Variants in DOK4 observed in about 807,000 individuals in gnomAD.
DOK4 encodes downstream of tyrosine kinase 4.
Under a neutral mutation model 40.1 loss-of-function variants are expected in DOK4, and 26 were observed. That is an observed-to-expected ratio of 0.65 (90% CI 0.48 to 0.90). DOK4 has a LOEUF of 0.90. Ranked by LOEUF, DOK4 falls within the 40% of genes least tolerant of loss-of-function variation. DOK4 has a pLI of 0.00. For synonymous variants in DOK4, 179 were observed against 177.0 expected (o/e 1.01, Z -0.09); for missense variants, 392 against 437.2 (o/e 0.90, Z 0.92).
chr16:57,486,594 G>C (rs1448874771), upstream of DOK4: 1 of 150,862 alleles, frequency 6.6e-6, no homozygotes, highest in Non-Finnish European at 1.5e-5. Context: ...CGGGACGCGC[G>C]ATTCTGCCCT....
chr16:57,476,656 T>C (rs2031194370), intron 2 of DOK4, among the ~76,000 whole-genome samples: 1 of 152,198 alleles, frequency 6.6e-6, no homozygotes, highest in Non-Finnish European at 1.5e-5. Context: ...CCCTGAAATG[T>C]AAGGGGCCCT....
At chr16:57,475,027 A>C (rs1476551282) in intron 5 of DOK4, 45 bp from the exon 6 acceptor site, 1 of 1,600,092 alleles carries the variant, frequency 6.2e-7, no homozygotes, top group African/African-American at 1.3e-5. Flanking sequence ...GTTGCCCCAG[A>C]TGGGGACTTC....
upstream of DOK4, among the ~76,000 whole-genome samples, chr16:57,486,848 C>T (rs1398170000): frequency 1.3e-5 from 2 of 152,134 alleles, no homozygotes; most frequent in Non-Finnish European, 2.9e-5. Flanking sequence ...GAATCACATA[C>T]ACACCCATTG....
chr16:57,480,593 T>G (rs1847614789), intron 1 of DOK4, among the ~76,000 whole-genome samples: 1 of 152,128 alleles, frequency 6.6e-6, no homozygotes, highest in Admixed American at 6.5e-5. Flanking sequence ...AGGCCCTCCA[T>G]GTCCTGAGCA....
At chr16:57,480,309 C>G (rs370095487) in intron 1 of DOK4, 25 of 152,558 alleles carry the variant, frequency 1.6e-4, no homozygotes, top group African/African-American at 5.8e-4. Context: ...TTCTCTCCAG[C>G]CCCAGGCTAA....
At chr16:57,474,007 A>C in exon 7 of DOK4, 1 of 1,614,078 alleles carries the variant, frequency 6.2e-7, no homozygotes, top group African/African-American at 1.3e-5. Flanking sequence ...TTGTGTCTGG[A>C]AGGTATAGAG....
At chr16:57,482,268 C>G (rs1367444307) in intron 1 of DOK4, among the ~76,000 whole-genome samples, 1 of 152,062 alleles carries the variant, frequency 6.6e-6, no homozygotes, top group African/African-American at 2.4e-5. Context: ...CTCAAGTGAT[C>G]CACCCACCTC....
rs763087618 is a variant in DOK4, at chr16:57,474,053, A to C, written c.600-14T>G. 6.2e-7 allele frequency: 1 copy of C among 1,613,772 alleles called. No homozygotes were observed. The highest frequency in any genetic ancestry group is 1.7e-5 in the Admixed American group (1 of 59,996). On this transcript the variant is annotated splice_polypyrimidine_tract_variant and intron_variant, in intron 6 of 8. Coordinates refer to ENST00000340099, the Ensembl canonical transcript of DOK4. ...GCATCACACATCCTGGGGACACAGC[A>C]CAGAGGGCAAGATGGTGGGGACCCA...
chr16:57,475,922 G>A (rs1364998762), exon 3 of DOK4: 2 of 1,613,598 alleles, frequency 1.2e-6, no homozygotes, highest in Middle Eastern at 1.7e-4. Context: ...CCTTGCTGGA[G>A]GATTTCCGGA....
chr16:57,476,247 G>A, intron 2 of DOK4: 1 of 420,804 alleles, frequency 2.4e-6, no homozygotes, highest in East Asian at 4.7e-5. Flanking sequence ...AGTTTAGTGT[G>A]AGTAGCCAAC....
chr16:57,474,009 G>A, exon 7 of DOK4: 1 of 1,614,128 alleles, frequency 6.2e-7, no homozygotes, highest in Non-Finnish European at 8.5e-7. Context: ...GTGTCTGGAA[G>A]GTATAGAGTC....
chr16:57,473,444 C>T (rs778266649), exon 9 of DOK4: 2 of 1,614,214 alleles, frequency 1.2e-6, no homozygotes, highest in South Asian at 2.2e-5. Flanking sequence ...CAGGATGAAT[C>T]TGTTGAGGAG....
In DOK4 at chr16:57,479,690, T is replaced by C. The variant is rs1265155136; in HGVS notation, c.-181-2A>G. ...AGCAGCTCCTTCGCCCCGCGCCTGCTGGAAATAAAAATGACAGGGAGATTA... is the reference window on the plus strand; with the variant it reads ...AGCAGCTCCTTCGCCCCGCGCCTGCCGGAAATAAAAATGACAGGGAGATTA... On this transcript the variant is annotated splice_acceptor_variant, in intron 1 of 8. Coordinates refer to ENST00000340099, the Ensembl canonical transcript of DOK4. LOFTEE classifies it low-confidence loss of function (5UTR_SPLICE). The surrounding 1 kb of genome is among the most constrained non-coding windows in gnomAD (Gnocchi z 5.8). 1.8e-6 allele frequency: 1 copy of C among 553,140 alleles called. No individual in the cohort carries two copies. Among genetic ancestry groups the C allele is most frequent in the African/African-American group, 1.9e-5 (1 of 52,308 alleles). The allele number at this position is 553,140 out of a possible 1,614,324, so 34.3% of individuals were successfully genotyped here. A position where few individuals can be genotyped will look rare whatever the true frequency, so the allele number is the denominator to read the frequency against.
chr16:57,478,733 AG>A (rs1286171703), intron 2 of DOK4: 2 of 152,866 alleles, frequency 1.3e-5, no homozygotes, highest in African/African-American at 4.8e-5. Context: ...CCCCCAGTTC[AG>A]GGCCAAGCAC....
Position 57,475,270 on chromosome 16 carries a change from C to T in DOK4, c.290-51G>A, listed in dbSNP as rs569718915. The T allele has an allele frequency of 4.4e-6, 7 of 1,587,876 alleles. No individual in the cohort carries two copies. The South Asian group carries it at 5.7e-5, about 13-fold the overall frequency. On this transcript the variant is annotated intron_variant, in intron 4 of 8. Coordinates refer to ENST00000340099, the Ensembl canonical transcript of DOK4. ...CAGCTCCAGAGCCCGGTAGCCCACCCCGTCTGCCCAGCCTGACTTATGCCA... is the reference window on the plus strand; with the variant it reads ...CAGCTCCAGAGCCCGGTAGCCCACCTCGTCTGCCCAGCCTGACTTATGCCA...
At chr16:57,475,380 C>T (rs1841473665) in intron 4 of DOK4, 126 bp downstream of exon 4, 3 of 1,386,410 alleles carry the variant, frequency 2.2e-6, no homozygotes, top group African/African-American at 1.4e-5. Context: ...TGAAAGCACC[C>T]CCAACCCCAC....
At chr16:57,472,723 C>A (rs776936102) in exon 9 of DOK4, 2 of 152,418 alleles carry the variant, frequency 1.3e-5, no homozygotes, top group Non-Finnish European at 2.9e-5. Flanking sequence ...GCAGAAGTTA[C>A]ATTTTAAAAC....
rs1598055108 is a variant in DOK4 at position 57,479,786 on chromosome 16, C to A, written c.-181-98G>T. On this transcript the variant is annotated intron_variant, in intron 1 of 8. Coordinates refer to ENST00000340099, the Ensembl canonical transcript of DOK4. The surrounding 1 kb of genome is among the most constrained non-coding windows in gnomAD (Gnocchi z 5.8). ...TTTCCTTCCTCTTCCCACACTCCTC[C>A]TCTCTCCCTCTTCCCTCCCTCCTTC... is the stretch of plus-strand genomic sequence containing the variant. 8.4e-6 allele frequency: 3 copies of A among 358,236 alleles called. No individual in the cohort carries two copies. In the East Asian group the frequency reaches 2.0e-4, roughly 23 times the overall value. The allele number at this position is 358,236 out of a possible 1,614,324, so 22.2% of individuals were successfully genotyped here.
At chr16:57,482,852 T>C (rs1391832279) in intron 1 of DOK4, among the ~76,000 whole-genome samples, 2 of 152,084 alleles carry the variant, frequency 1.3e-5, no homozygotes, top group Non-Finnish European at 2.9e-5. Flanking sequence ...TCTTCAAGAG[T>C]TGCTGCCCAG....
Sources: gnomAD v4.1 joint callset for allele counts (sites outside exome capture counted in the v4.1 genomes callset) on GRCh38, gnomAD v4.1.1 for gene constraint, Gnocchi (gnomAD v3.1) non-coding constraint, MANE v1.5 for transcripts, NCBI Gene and HGNC (gene_info 2026-07-23, HGNC 2026-07-21) for gene names.